Variants in NRXN3 observed in about 807,000 individuals in gnomAD.
The protein encoded by NRXN3 is neurexin 3, also known as neurexin III.
In NRXN3, 32 loss-of-function variants were observed where a neutral mutation model predicts 137.6. That is an observed-to-expected ratio of 0.23 (90% CI 0.18 to 0.31). The LOEUF (loss-of-function observed/expected upper bound fraction) is 0.31. Ranked by LOEUF, NRXN3 falls within the 10% of genes least tolerant of loss-of-function variation. The probability of loss-of-function intolerance (pLI) is 1.00; values close to 1 mark genes in which losing one functional copy is unlikely to be tolerated. For synonymous variants in NRXN3, 798 were observed against 784.5 expected, an observed-to-expected ratio of 1.02 and a Z score of -0.29; for missense variants, 1,574 against 2,062.5, an observed-to-expected ratio of 0.76 and a Z score of 4.59.
At chr14:79,282,576 C>T (rs181727972) in intron 15 of NRXN3, among the ~76,000 whole-genome samples, 77 of 152,170 alleles carry the variant, frequency 5.1e-4, no homozygotes, top group Middle Eastern at 3.4e-3. Context: ...ATTTCTTCAA[C>T]GATTGGTTGC....
intron 4 of NRXN3, among the ~76,000 whole-genome samples, chr14:78,320,739 A>T (rs1369851299): frequency 6.6e-6 from 1 of 152,150 alleles, no homozygotes; most frequent in African/African-American, 2.4e-5. Context: ...GTATCTGCAC[A>T]TTTATCCAGT....
At chr14:78,427,549 A>G (rs528624991) in intron 4 of NRXN3, among the ~76,000 whole-genome samples, 1 of 152,338 alleles carries the variant, frequency 6.6e-6, no homozygotes, top group South Asian at 2.1e-4. Context: ...GTGACTCTGG[A>G]AGGAGCCTTC....
intron 10 of NRXN3, among the ~76,000 whole-genome samples, chr14:78,879,564 T>A (rs1274038914): frequency 6.6e-6 from 1 of 152,218 alleles, no homozygotes; most frequent in Admixed American, 6.5e-5. Context: ...TATTTTTTAA[T>A]TGGGTTATTT....
intron 15 of NRXN3, among the ~76,000 whole-genome samples, chr14:79,308,564 A>C (rs1408596613): frequency 6.6e-6 from 1 of 152,102 alleles, no homozygotes; most frequent in African/African-American, 2.4e-5. Context: ...TATGAGTGCC[A>C]AAAAAAGGAG....
intron 4 of NRXN3, among the ~76,000 whole-genome samples, chr14:78,459,072 T>G (rs1405090178): frequency 6.6e-6 from 1 of 152,206 alleles, no homozygotes; most frequent in Non-Finnish European, 1.5e-5. Flanking sequence ...TACTTCAAAT[T>G]CTGCGTTTAT....
chr14:79,139,802 A>T (rs2152992822), intron 15 of NRXN3, among the ~76,000 whole-genome samples: 1 of 152,048 alleles, frequency 6.6e-6, no homozygotes, highest in South Asian at 2.1e-4. Context: ...TATTACTATG[A>T]TTTCAAGTCA....
At chr14:78,418,111 T>C (rs2093248159) in intron 4 of NRXN3, among the ~76,000 whole-genome samples, 1 of 152,088 alleles carries the variant, frequency 6.6e-6, no homozygotes, top group Non-Finnish European at 1.5e-5. Flanking sequence ...GAAGGTGAAA[T>C]TTGTATGGCT....
At chr14:79,151,811 A>G (rs1156289406) in intron 15 of NRXN3, among the ~76,000 whole-genome samples, 2 of 152,022 alleles carry the variant, frequency 1.3e-5, no homozygotes, top group Admixed American at 1.3e-4. Context: ...CTAAATCCCT[A>G]CAATATGTTT....
intron 15 of NRXN3, among the ~76,000 whole-genome samples, chr14:79,409,425 T>C (rs2095373152): frequency 1.3e-5 from 2 of 150,852 alleles, no homozygotes; most frequent in African/African-American, 4.9e-5. Context: ...TATAGGTATA[T>C]GTATACATAT....
chr14:79,712,327 C>G (rs1345476505), intron 19 of NRXN3, among the ~76,000 whole-genome samples: 1 of 152,134 alleles, frequency 6.6e-6, no homozygotes, highest in African/African-American at 2.4e-5. Flanking sequence ...GCCCTACAAC[C>G]CACACACACT....
intron 19 of NRXN3, among the ~76,000 whole-genome samples, chr14:79,765,902 C>G (rs1179246521): frequency 6.6e-6 from 1 of 152,060 alleles, no homozygotes; most frequent in Non-Finnish European, 1.5e-5. Context: ...AAAAACAGTT[C>G]TTATATGTTC....
At chr14:79,052,566 G>C (rs1214108092) in intron 15 of NRXN3, among the ~76,000 whole-genome samples, 1 of 152,204 alleles carries the variant, frequency 6.6e-6, no homozygotes, top group East Asian at 1.9e-4. Context: ...TGTCACCAGT[G>C]TTAGAGATGA....
At chr14:78,649,466 T>A (rs926847393) in intron 5 of NRXN3, among the ~76,000 whole-genome samples, 2 of 150,794 alleles carry the variant, frequency 1.3e-5, no homozygotes, top group Non-Finnish European at 2.9e-5. Context: ...AAAAAAAAAA[T>A]GGAAGGGGAT....
chr14:79,412,690 A>G (rs1031097749), intron 15 of NRXN3, among the ~76,000 whole-genome samples: 30 of 150,280 alleles, frequency 2.0e-4, no homozygotes, highest in African/African-American at 7.3e-4. Context: ...GGCTAAGGCA[A>G]TAGAATCGCT....
chr14:79,485,085 G>A lies in NRXN3; in HGVS notation c.3444+17683G>A, dbSNP rs142459773. Among the ~76,000 whole-genome samples, 453 of 151,986 alleles carry A rather than the reference G, an allele frequency of 3.0e-3. 4 individuals carry two copies. The highest frequency in any genetic ancestry group is 9.8e-3 in the African/African-American group (408 of 41,464). ...TATAATATTACAATATTGATGTGTC[G>A]TGATTTTTTTTGGTTGTTCTCTAAT... On this transcript the variant is annotated intron_variant, in intron 16 of 20. Transcript: ENST00000335750.
intron 6 of NRXN3, among the ~76,000 whole-genome samples, chr14:78,673,215 C>T (rs752878989): frequency 6.6e-6 from 1 of 152,156 alleles, no homozygotes; most frequent in Non-Finnish European, 1.5e-5. Context: ...TTGGCAGTGA[C>T]AAAAGACCCC....
intron 15 of NRXN3, among the ~76,000 whole-genome samples, chr14:79,247,522 A>C (rs1273606456): frequency 6.6e-6 from 1 of 152,190 alleles, no homozygotes; most frequent in Non-Finnish European, 1.5e-5. Flanking sequence ...AAGAAAGAGC[A>C]ACAAGTTTCC....
chr14:79,160,283 A>C (rs1169156467), intron 15 of NRXN3, among the ~76,000 whole-genome samples: 1 of 151,950 alleles, frequency 6.6e-6, no homozygotes, highest in Admixed American at 6.6e-5. Context: ...CTGTGTGTTA[A>C]ATTGTCATTG....
At chr14:79,426,091 C>T (rs1052925622) in intron 15 of NRXN3, among the ~76,000 whole-genome samples, 1 of 151,930 alleles carries the variant, frequency 6.6e-6, no homozygotes. Context: ...TACTGGGAAC[C>T]AATCTCAACC....
Sources: gnomAD v4.1 joint callset for allele counts (sites outside exome capture counted in the v4.1 genomes callset) on GRCh38, gnomAD v4.1.1 for gene constraint, MANE v1.5 for transcripts, NCBI Gene and HGNC (gene_info 2026-07-23, HGNC 2026-07-21) for gene names.